The following TLN2 variants were observed in gnomAD, a reference collection of about 807,000 sequenced individuals.
TLN2 encodes talin-2.
In TLN2, 118 loss-of-function variants were observed where a neutral mutation model predicts 294.7. The observed-to-expected ratio is 0.40, with a 90% confidence interval of 0.34 to 0.47. The LOEUF (loss-of-function observed/expected upper bound fraction) is 0.47. TLN2 is among the 20% of genes least tolerant of loss of function. TLN2 has a pLI of 0.84. For missense variants in TLN2, 3,083 were observed against 3,282.2 expected, an observed-to-expected ratio of 0.94 and a Z score of 1.48; for synonymous variants, 1,431 against 1,304.5, an observed-to-expected ratio of 1.10 and a Z score of -2.09.
At chr15:62,526,689 A>G (rs1039843006) in intron 1 of TLN2, among the ~76,000 whole-genome samples, 14 of 152,240 alleles carry the variant, frequency 9.2e-5, no homozygotes, top group South Asian at 2.1e-4. Flanking sequence ...TGTTTTCTCT[A>G]TCAGCTTAAG....
At chr15:62,500,696 C>G (rs900248767) in intron 1 of TLN2, among the ~76,000 whole-genome samples, 8 of 152,224 alleles carry the variant, frequency 5.3e-5, no homozygotes, top group Admixed American at 5.2e-4. Context: ...ATGGCAATCT[C>G]AAGTGACATC....
At chr15:62,601,847 G>A (rs934134687) in intron 2 of TLN2, among the ~76,000 whole-genome samples, 2 of 152,112 alleles carry the variant, frequency 1.3e-5, no homozygotes, top group African/African-American at 4.8e-5. Context: ...TAATTTAATT[G>A]ATGCGTTTCA....
At chr15:62,677,689 CTCCT>C (rs897080264) in intron 11 of TLN2, among the ~76,000 whole-genome samples, 7 of 151,702 alleles carry the variant, frequency 4.6e-5, no homozygotes, top group African/African-American at 7.3e-5. Flanking sequence ...TTCTTCCTTC[CTCCT>C]TCCTTCTCTC....
At chr15:62,481,636 C>T (rs117777776) in intron 1 of TLN2, among the ~76,000 whole-genome samples, 1 of 152,130 alleles carries the variant, frequency 6.6e-6, no homozygotes, top group Admixed American at 6.5e-5. Flanking sequence ...GCTGGGATTA[C>T]AGGCGTGAGC....
At chr15:62,751,037 A>G (rs970455907) in intron 34 of TLN2, among the ~76,000 whole-genome samples, 1 of 151,920 alleles carries the variant, frequency 6.6e-6, no homozygotes, top group Non-Finnish European at 1.5e-5. Flanking sequence ...TTAAGATAAT[A>G]TAATGGCTTG....
chr15:62,462,846 T>C (rs1237166286), intron 1 of TLN2, among the ~76,000 whole-genome samples: 1 of 152,206 alleles, frequency 6.6e-6, no homozygotes, highest in Non-Finnish European at 1.5e-5. Context: ...GTGTCTCATC[T>C]TTAATGAAAA....
At chr15:62,656,171 G>T in intron 8 of TLN2, 85 bp downstream of exon 8, 1 of 1,521,920 alleles carries the variant, frequency 6.6e-7, no homozygotes, top group Admixed American at 1.9e-5. Context: ...GGAGGGCGGC[G>T]CTGGCTTCTG....
In TLN2 at chr15:62,840,983, G is replaced by C. The variant is rs2070620745; in HGVS notation, c.*373G>C. 1 of 164,370 alleles carries C rather than the reference G, an allele frequency of 6.1e-6. No individual in the cohort carries two copies. Among genetic ancestry groups the C allele is most frequent in the African/African-American group, 2.4e-5 (1 of 41,898 alleles). 10.2% of individuals were successfully genotyped at this position (164,370 alleles called of 1,614,324 possible). A position where few individuals can be genotyped will look rare whatever the true frequency, so the allele number is the denominator to read the frequency against. ...CTCCTGGACCTCTTTATGATATTGT[G>C]ATAGGGAAAAAAATCATTGACGTCA... is the stretch of plus-strand genomic sequence containing the variant. On this transcript the variant is annotated 3_prime_UTR_variant, in exon 59 of 59. Transcript: ENST00000636159.
At chr15:62,812,192 C>G (rs952488461) in intron 52 of TLN2, among the ~76,000 whole-genome samples, 1 of 152,096 alleles carries the variant, frequency 6.6e-6, no homozygotes, top group Non-Finnish European at 1.5e-5. Context: ...TTTTCTCTCT[C>G]GTGCTTTTGC....
rs113572872 is a variant in TLN2, at chr15:62,676,891, A to G, written c.957+1570A>G. On this transcript the variant is annotated intron_variant, in intron 11 of 58. Coordinates refer to ENST00000636159, the MANE Select transcript of TLN2 (RefSeq NM_015059.3). ...TGGCCTCCCAAAGTGCTAGTATTAC[A>G]GGCGTGAGCCACCGCACCCTATCTT... is the stretch of plus-strand genomic sequence containing the variant. Among the ~76,000 whole-genome samples, 3 of 152,320 alleles carry G rather than the reference A, an allele frequency of 2.0e-5. 1 individual carries two copies. Among genetic ancestry groups the G allele is most frequent in the African/African-American group, 7.2e-5 (3 of 41,578 alleles).
intron 55 of TLN2, 64 bp from the exon 56 acceptor site, chr15:62,835,673 A>G (rs984087318): frequency 1.0e-5 from 16 of 1,584,776 alleles, no homozygotes; most frequent in Non-Finnish European, 1.3e-5. Flanking sequence ...AGGTCTGGGG[A>G]TGAGGGGCTG....
rs2063929818 is a variant in TLN2 at position 62,779,128 on chromosome 15, C to CT, written c.5515-2009dup. On this transcript the variant is annotated intron_variant, in intron 43 of 58. Transcript: ENST00000636159. ...TCTAACTTGGATGTGACTCCTGACA[C>CT]TTTGGGTGCTTTCACTGTGGAGCTT... Among the ~76,000 whole-genome samples, 5 of 152,316 alleles carry CT rather than the reference C, an allele frequency of 3.3e-5. No homozygotes were observed. In the South Asian group the frequency reaches 1.0e-3, roughly 32 times the overall value.
Position 62,624,448 on chromosome 15 carries a change from G to A in TLN2, c.-37+5973G>A, listed in dbSNP as rs546895605. 7.9e-5 allele frequency among the ~76,000 whole-genome samples: 12 copies of A among 152,332 alleles called. No homozygotes were observed. The East Asian group carries it at 2.1e-3, about 27-fold the overall frequency. On this transcript the variant is annotated intron_variant, in intron 3 of 58. Coordinates refer to ENST00000636159, the MANE Select transcript of TLN2 (RefSeq NM_015059.3). ...CTGTCCCTGGGAAGCCTTGAAGTGG[G>A]AAGGTCTCATAGGTGATAGGACGCA...
Position 62,740,710 on chromosome 15 carries a change from GTCTC to G in TLN2, c.3972_3975del (p.Ser1325Ter), listed in dbSNP as rs778225525. ...CCAGCAAGCTGCTGTTAGCTGCCAA[GTCTC>G]TCTCTGTAGATCCAGGAGCTCCCAA... On this transcript the variant is annotated frameshift_variant, in exon 32 of 59. Coordinates refer to ENST00000636159, the MANE Select transcript of TLN2 (RefSeq NM_015059.3). LOFTEE classifies it high-confidence loss of function. The G allele has an allele frequency of 6.2e-7, 1 of 1,614,198 alleles. No individual in the cohort carries two copies. Among genetic ancestry groups the G allele is most frequent in the Non-Finnish European group, 8.5e-7 (1 of 1,180,042 alleles).
intron 10 of TLN2, 74 bp downstream of exon 10, chr15:62,673,964 C>T (rs975077254): frequency 2.8e-5 from 33 of 1,194,434 alleles, no homozygotes; most frequent in South Asian, 3.9e-5. Context: ...GGGGCCTCTG[C>T]GCATGGTAGT....
chr15:62,420,621 T>C (rs2034334811), intron 1 of TLN2, among the ~76,000 whole-genome samples: 1 of 152,190 alleles, frequency 6.6e-6, no homozygotes, highest in Non-Finnish European at 1.5e-5. Flanking sequence ...ACTATTTCAG[T>C]ACTGAGTGGT....
rs183769473 is a variant in TLN2 at position 62,449,981 on chromosome 15, C to G, written c.-238+59296C>G. The stretch of plus-strand genomic sequence containing the variant: ...TCCTGGTTGTAAAAGAATTTGGGCT[C>G]CTGGTGGAATTCTGCCACTGTCACT... On this transcript the variant is annotated intron_variant, in intron 1 of 58. Coordinates refer to ENST00000636159, the MANE Select transcript of TLN2 (RefSeq NM_015059.3). Among the ~76,000 whole-genome samples, 11 of 152,248 alleles carry G rather than the reference C, an allele frequency of 7.2e-5. No homozygotes were observed. In the East Asian group the frequency reaches 2.1e-3, roughly 29 times the overall value.
intron 32 of TLN2, 40 bp from the exon 33 acceptor site, chr15:62,748,311 G>C (rs1415670215): frequency 4.3e-6 from 6 of 1,407,200 alleles, no homozygotes; most frequent in Non-Finnish European, 5.9e-6. Flanking sequence ...AATTACTGTT[G>C]ATCTTCAAAA....
intron 1 of TLN2, among the ~76,000 whole-genome samples, chr15:62,571,688 A>G (rs1009719554): frequency 6.6e-6 from 1 of 152,202 alleles, no homozygotes; most frequent in Non-Finnish European, 1.5e-5. Flanking sequence ...TTTTCAATGC[A>G]TGACCCATCT....
Sources: allele counts gnomAD v4.1 joint callset (sites outside exome capture counted in the v4.1 genomes callset), GRCh38; gene constraint gnomAD v4.1.1; transcripts MANE v1.5; gene names NCBI Gene and HGNC (gene_info 2026-07-23, HGNC 2026-07-21).